The following RBM45 variants were observed in gnomAD, a reference collection of about 807,000 sequenced individuals.
RBM45 encodes RNA-binding protein 45.
RBM45 carries 39 observed loss-of-function variants against 58.5 expected under a neutral mutation model. The ratio of observed to expected loss-of-function variants is 0.67; its 90% CI spans 0.52 to 0.87. The LOEUF (loss-of-function observed/expected upper bound fraction) is 0.87, where lower values mean the gene tolerates loss of function less well. RBM45 is among the 40% of genes least tolerant of loss of function. The pLI is 0.00. For missense variants in RBM45, 481 were observed against 581.6 expected (o/e 0.83, Z 1.78); for synonymous variants, 193 against 203.0 (o/e 0.95, Z 0.42).
chr2:178,114,561 T>C (rs2087747517), intron 1 of RBM45, among the ~76,000 whole-genome samples: 1 of 152,202 alleles, frequency 6.6e-6, no homozygotes, highest in Non-Finnish European at 1.5e-5. Flanking sequence ...TGTTTCACTG[T>C]AGTACCTAGC....
Position 178,112,642 on chromosome 2 carries a change from C to T in RBM45, c.96C>T (p.Ile32=), listed in dbSNP as rs1161145663. ...CCAACAGCCGCATCTTCCTTGTGAT[C>T]AGCAAGTACACACCTGAGTCGGTGC... is the stretch of plus-strand genomic sequence containing the variant. ...EPPNSRIFLV[I]SKYTPESVLR... is the part of the protein sequence containing the mutation. Residue 32 remains isoleucine (I), a synonymous_variant, in exon 1 of 10, where the codon ATC becomes ATT. Coordinates refer to ENST00000286070, the MANE Select transcript of RBM45 (RefSeq NM_152945.4). 1.2e-6 allele frequency: 2 copies of T among 1,614,110 alleles called. No homozygotes were observed. The highest frequency in any genetic ancestry group is 1.7e-6 in the Non-Finnish European group (2 of 1,180,046).
chr2:178,135,594 A>C (rs2153907772), intron 3 of RBM45, among the ~76,000 whole-genome samples: 1 of 152,342 alleles, frequency 6.6e-6, no homozygotes, highest in Middle Eastern at 3.4e-3. Context: ...TCATCCTTAA[A>C]GATTAGCAAT....
At chr2:178,132,181 T>G (rs2088011104), downstream of RBM45, among the ~76,000 whole-genome samples, 1 of 152,122 alleles carries the variant, frequency 6.6e-6, no homozygotes, top group Non-Finnish European at 1.5e-5. Context: ...TTAACTGAGG[T>G]CTTGTATGGT....
At chr2:178,131,191 AT>A (rs553847940), downstream of RBM45, among the ~76,000 whole-genome samples, 116 of 152,364 alleles carry the variant, frequency 7.6e-4, no homozygotes, top group African/African-American at 2.5e-3. Context: ...TCCCAAACTC[AT>A]TTACTGTACA....
At chr2:178,121,386 A>G in intron 5 of RBM45, 27 bp downstream of exon 5, 2 of 1,112,736 alleles carry the variant, frequency 1.8e-6, no homozygotes, top group Non-Finnish European at 2.5e-6. Flanking sequence ...ATTAAAAAAT[A>G]TATATATATG....
At chr2:178,126,853 A>G (rs1393792683) in intron 9 of RBM45, among the ~76,000 whole-genome samples, 2 of 152,156 alleles carry the variant, frequency 1.3e-5, no homozygotes, top group African/African-American at 2.4e-5. Flanking sequence ...TATTTTATTT[A>G]TTAGTTTTCA....
intron 1 of RBM45, among the ~76,000 whole-genome samples, chr2:178,114,471 A>G (rs185650626): frequency 1.3e-5 from 2 of 152,342 alleles, no homozygotes; most frequent in East Asian, 1.9e-4. Context: ...CAGAGAAATT[A>G]AAGATCTTGT....
At chr2:178,137,941 T>C (rs1574418536) in exon 4 of RBM45, 1 of 152,076 alleles carries the variant, frequency 6.6e-6, no homozygotes. Flanking sequence ...ACAAAAAATA[T>C]TAGAAAATAT....
At position 178,129,520 on chromosome 2, in the gene RBM45, GT is replaced by G. The variant is rs2087982218; in HGVS notation, c.*136del. Reference sequence around the variant, plus strand: ...TACCTGATAGTCTGTGTACAGCATTGTTTTGTCTGGGAAGCAGGGATTGCTG... The same window carrying G: ...TACCTGATAGTCTGTGTACAGCATTGTTTGTCTGGGAAGCAGGGATTGCTG... On this transcript the variant is annotated 3_prime_UTR_variant, in exon 10 of 10. Transcript: ENST00000286070. The G allele has an allele frequency of 1.3e-5, 2 of 152,206 alleles. No homozygotes were observed. Among genetic ancestry groups the G allele is most frequent in the African/African-American group, 4.8e-5 (2 of 41,296 alleles). 9.4% of individuals were successfully genotyped at this position (152,206 alleles called of 1,614,324 possible).
intron 8 of RBM45, among the ~76,000 whole-genome samples, chr2:178,124,644 T>A (rs1174754155): frequency 1.3e-5 from 2 of 152,044 alleles, no homozygotes; most frequent in Non-Finnish European, 2.9e-5. Flanking sequence ...CAAAACCCCA[T>A]CTCTACAAAA....
rs182978838 is a variant in RBM45, at chr2:178,122,736, C to T, written c.854-786C>T. The stretch of plus-strand genomic sequence containing the variant: ...TTAATAGAGGTGTCATCATATAGTT[C>T]GAATCTCATTTGAATTAACTTTATA... On this transcript the variant is annotated intron_variant, in intron 5 of 9. Transcript: ENST00000286070. Among the ~76,000 whole-genome samples the T allele has an allele frequency of 5.4e-3, 817 of 152,010 alleles. 4 individuals carry two copies. Among genetic ancestry groups the T allele is most frequent in the Non-Finnish European group, 8.4e-3 (568 of 67,988 alleles).
intron 9 of RBM45, among the ~76,000 whole-genome samples, chr2:178,128,673 A>T (rs559552018): frequency 6.6e-6 from 1 of 152,346 alleles, no homozygotes; most frequent in East Asian, 1.9e-4. Context: ...TTCAGGGCAG[A>T]GATAAAATAG....
At chr2:178,123,107 A>G (rs751289527) in intron 5 of RBM45, among the ~76,000 whole-genome samples, 2 of 152,166 alleles carry the variant, frequency 1.3e-5, no homozygotes, top group African/African-American at 2.4e-5. Context: ...GGATGAGTAT[A>G]TATTCTTTTC....
intron 3 of RBM45, among the ~76,000 whole-genome samples, chr2:178,118,628 G>T (rs1459492366): frequency 6.6e-6 from 1 of 152,112 alleles, no homozygotes; most frequent in Non-Finnish European, 1.5e-5. Context: ...ATAGGTAACT[G>T]ATATAGATAG....
intron 2 of RBM45, 21 bp downstream of exon 2, chr2:178,116,405 G>A (rs2087777965): frequency 2.5e-6 from 4 of 1,593,168 alleles, no homozygotes; most frequent in Non-Finnish European, 3.4e-6. Flanking sequence ...TAATCAGCTA[G>A]CATATGTGAT....
intron 8 of RBM45, among the ~76,000 whole-genome samples, chr2:178,124,869 C>G (rs1219032776): frequency 1.3e-5 from 2 of 152,138 alleles, no homozygotes; most frequent in African/African-American, 2.4e-5. Context: ...TTGTAGGATC[C>G]TTAAGGGTTA....
At chr2:178,136,667 G>C (rs1240735847) in exon 4 of RBM45, 2 of 152,210 alleles carry the variant, frequency 1.3e-5, no homozygotes, top group African/African-American at 4.8e-5. Flanking sequence ...GTTGGGGTCG[G>C]GGGGGTGCGG....
At chr2:178,119,854 T>C (rs971654872) in intron 3 of RBM45, among the ~76,000 whole-genome samples, 2 of 152,148 alleles carry the variant, frequency 1.3e-5, no homozygotes, top group East Asian at 3.8e-4. Context: ...TTGTAATTAA[T>C]TGAAGAGAAT....
intron 1 of RBM45, among the ~76,000 whole-genome samples, chr2:178,114,920 A>G (rs1043065947): frequency 6.6e-6 from 1 of 152,194 alleles, no homozygotes; most frequent in Non-Finnish European, 1.5e-5. Flanking sequence ...AGCTTGAGCC[A>G]TCTTCAACTG....
Sources: allele counts gnomAD v4.1 joint callset (sites outside exome capture counted in the v4.1 genomes callset), GRCh38; gene constraint gnomAD v4.1.1; transcripts MANE v1.5; gene names NCBI Gene and HGNC (gene_info 2026-07-23, HGNC 2026-07-21).